Variants in SYN3 observed in about 807,000 individuals in gnomAD.
SYN3 encodes synapsin-3.
SYN3 carries 35 observed loss-of-function variants against 65.8 expected under a neutral mutation model. That is an observed-to-expected ratio of 0.53 (90% CI 0.41 to 0.70). SYN3 has a LOEUF of 0.70. Ranked by LOEUF, SYN3 falls within the 30% of genes least tolerant of loss-of-function variation. SYN3 has a pLI of 0.00. For synonymous variants in SYN3, 270 were observed against 292.9 expected (o/e 0.92, Z 0.80); for missense variants, 680 against 749.0 (o/e 0.91, Z 1.08).
intron 12 of SYN3, among the ~76,000 whole-genome samples, chr22:32,527,342 G>A (rs2057995526): frequency 6.6e-6 from 1 of 152,216 alleles, no homozygotes; most frequent in Non-Finnish European, 1.5e-5. Context: ...GCTCACGCCT[G>A]TAATCCCAGC....
intron 6 of SYN3, chr22:32,857,341 G>A (rs766316555): frequency 1.2e-6 from 2 of 1,614,022 alleles, no homozygotes; most frequent in East Asian, 4.5e-5. Flanking sequence ...AGGTCAACAA[G>A]TACCAGTACC....
At chr22:32,849,557 C>T (rs746365074) in intron 6 of SYN3, 9 of 1,607,338 alleles carry the variant, frequency 5.6e-6, no homozygotes, top group Non-Finnish European at 7.7e-6. Flanking sequence ...ATCACCCTGG[C>T]TCCGGGAAGG....
chr22:33,011,575 A>G (rs1231073207), intron 1 of SYN3, among the ~76,000 whole-genome samples: 1 of 152,122 alleles, frequency 6.6e-6, no homozygotes, highest in Admixed American at 6.5e-5. Context: ...GTATCAGGGT[A>G]ATATTAACCT....
intron 6 of SYN3, among the ~76,000 whole-genome samples, chr22:32,836,965 C>T (rs149193752): frequency 6.6e-6 from 1 of 152,332 alleles, no homozygotes; most frequent in African/African-American, 2.4e-5. Context: ...GATTTGCTGT[C>T]TGCAAAGGCT....
intron 3 of SYN3, among the ~76,000 whole-genome samples, chr22:32,968,392 C>T (rs7287335): frequency 0.028 from 4,315 of 152,218 alleles, 216 homozygotes; most frequent in African/African-American, 0.096. Flanking sequence ...TCCTATCCAG[C>T]GAATCTTCTA....
intron 2 of SYN3, among the ~76,000 whole-genome samples, chr22:32,990,430 ATC>A (rs1457531910): frequency 6.8e-6 from 1 of 147,306 alleles, no homozygotes; most frequent in African/African-American, 2.7e-5. Flanking sequence ...CCATCCATCC[ATC>A]CATCCATCCA....
intron 6 of SYN3, among the ~76,000 whole-genome samples, chr22:32,825,158 G>A (rs1398595922): frequency 2.0e-5 from 3 of 152,126 alleles, no homozygotes; most frequent in Non-Finnish European, 2.9e-5. Flanking sequence ...ACTTGGGGGA[G>A]GGATGGGTGA....
At chr22:32,799,698 A>T (rs537846876) in intron 6 of SYN3, among the ~76,000 whole-genome samples, 14 of 152,246 alleles carry the variant, frequency 9.2e-5, no homozygotes, top group Non-Finnish European at 1.6e-4. Context: ...CTCAAATTCC[A>T]CCACGTATGC....
chr22:33,015,856 T>TA lies in SYN3; in HGVS notation c.-162-9033_-162-9032insT, dbSNP rs934967558. Among the ~76,000 whole-genome samples, 98 of 151,840 alleles carry TA rather than the reference T, an allele frequency of 6.5e-4. No individual in the cohort carries two copies. In the East Asian group the frequency reaches 0.018, roughly 28 times the overall value. On this transcript the variant is annotated intron_variant, in intron 1 of 13. Transcript: ENST00000358763. Reference sequence around the variant, plus strand: ...GCAAATTTTCTTTTCTTTTTTTTTTTTTTTAAGACAGTTACACTCTTGTTG... The same window carrying TA: ...GCAAATTTTCTTTTCTTTTTTTTTTTATTTTAAGACAGTTACACTCTTGTTG...
chr22:32,972,476 T>C (rs1424020997), intron 3 of SYN3, among the ~76,000 whole-genome samples: 1 of 152,216 alleles, frequency 6.6e-6, no homozygotes, highest in Non-Finnish European at 1.5e-5. Flanking sequence ...CTCATCCTTC[T>C]ATAGTCTCTC....
At chr22:32,812,732 T>C (rs1174034605) in intron 6 of SYN3, among the ~76,000 whole-genome samples, 1 of 152,208 alleles carries the variant, frequency 6.6e-6, no homozygotes, top group African/African-American at 2.4e-5. Context: ...TGTGATCTGA[T>C]GGAACCTTTG....
intron 6 of SYN3, among the ~76,000 whole-genome samples, chr22:32,684,893 A>G (rs1477018079): frequency 6.6e-6 from 1 of 152,196 alleles, no homozygotes; most frequent in Non-Finnish European, 1.5e-5. Flanking sequence ...AGGCACACTC[A>G]TTTCCTGCCC....
At chr22:32,842,047 AG>A (rs1321830139) in intron 6 of SYN3, among the ~76,000 whole-genome samples, 1 of 152,066 alleles carries the variant, frequency 6.6e-6, no homozygotes, top group Non-Finnish European at 1.5e-5. Context: ...TGGAGAGGTT[AG>A]GGGGGAGGCT....
At chr22:32,978,027 G>C (rs953664383) in intron 3 of SYN3, among the ~76,000 whole-genome samples, 8 of 152,128 alleles carry the variant, frequency 5.3e-5, no homozygotes, top group African/African-American at 1.7e-4. Context: ...AATCTGGAAA[G>C]ACTCAGAGAA....
At chr22:32,752,440 C>T (rs886852959) in intron 6 of SYN3, among the ~76,000 whole-genome samples, 4 of 152,204 alleles carry the variant, frequency 2.6e-5, no homozygotes, top group Non-Finnish European at 2.9e-5. Context: ...TGCCTCTGGC[C>T]CCAGCCTCCC....
At position 32,931,815 on chromosome 22, in the gene SYN3, A is replaced by G. The variant is rs964803106; in HGVS notation, c.370-334T>C. On this transcript the variant is annotated intron_variant, in intron 3 of 13. Coordinates refer to ENST00000358763, the MANE Select transcript of SYN3 (RefSeq NM_003490.4). ...GCAATTCCAGCTCCAAGACCAGAAC[A>G]TGCCAGATGCTGTTTGATGGGACAT... Among the ~76,000 whole-genome samples the G allele has an allele frequency of 2.6e-5, 4 of 152,302 alleles. No homozygotes were observed. The East Asian group carries it at 7.7e-4, about 29-fold the overall frequency.
chr22:32,674,263 G>A (rs1324697195), intron 6 of SYN3, among the ~76,000 whole-genome samples: 1 of 152,202 alleles, frequency 6.6e-6, no homozygotes, highest in African/African-American at 2.4e-5. Flanking sequence ...AGTCTTGTCT[G>A]TCCCTGAGGG....
chr22:32,828,443 G>C (rs577299566), intron 6 of SYN3, among the ~76,000 whole-genome samples: 1 of 152,370 alleles, frequency 6.6e-6, no homozygotes, highest in Non-Finnish European at 1.5e-5. Flanking sequence ...AAAAAGGTCA[G>C]AGATCCAATC....
At position 32,779,858 on chromosome 22, in the gene SYN3, A is replaced by G. The variant is rs571448794; in HGVS notation, c.711+85057T>C. On this transcript the variant is annotated intron_variant, in intron 6 of 13. Transcript: ENST00000358763. ...AGGTTGGGCAAGTACTCGAACCTCC[A>G]TTCTGCCCTGGGATAACCTGGGCAG... Among the ~76,000 whole-genome samples, 85 of 152,242 alleles carry G rather than the reference A, an allele frequency of 5.6e-4. 1 individual carries two copies. Among genetic ancestry groups the G allele is most frequent in the African/African-American group, 1.7e-3 (72 of 41,544 alleles).
Sources: allele counts gnomAD v4.1 joint callset (sites outside exome capture counted in the v4.1 genomes callset), GRCh38; gene constraint gnomAD v4.1.1; transcripts MANE v1.5; gene names NCBI Gene and HGNC (gene_info 2026-07-23, HGNC 2026-07-21).